The following COL4A2 variants were observed in gnomAD, a reference collection of about 807,000 sequenced individuals.
COL4A2 encodes the protein collagen type IV alpha 2 chain.
COL4A2 carries 99 observed loss-of-function variants against 200.2 expected under a neutral mutation model. The observed-to-expected ratio is 0.49, with a 90% confidence interval of 0.42 to 0.58. COL4A2 has a LOEUF of 0.58. Among genes scored for constraint, COL4A2 ranks in the 20% least tolerant of loss-of-function variants. The pLI is 0.00. For missense variants in COL4A2, 1,950 were observed against 2,314.1 expected, an observed-to-expected ratio of 0.84 and a Z score of 3.23; for synonymous variants, 897 against 900.6, an observed-to-expected ratio of 1.00 and a Z score of 0.07.
chr13:110,493,617 G>A (rs2893369), intron 39 of COL4A2, among the ~76,000 whole-genome samples: 83,421 of 151,988 alleles, frequency 0.55, 23,502 homozygotes, highest in South Asian at 0.66. Context: ...TGTCTGGAGT[G>A]TTCACTCTGC....
At position 110,472,789 on chromosome 13, in the gene COL4A2, G is replaced by A. The variant is rs12430146; in HGVS notation, c.2204-140G>A. ...GTTGTAGGTTCCAAAAAGGGCGACA[G>A]GGACAAGGGCTCGAGCTGAGGAATG... On this transcript the variant is annotated intron_variant, in intron 28 of 47. Coordinates refer to ENST00000360467, the MANE Select transcript of COL4A2 (RefSeq NM_001846.4). The A allele has an allele frequency of 1.5e-3, 1,043 of 694,518 alleles. 20 individuals carry two copies. In the Admixed American group the frequency reaches 0.027, roughly 18 times the overall value. 43.0% of individuals were successfully genotyped at this position (694,518 alleles called of 1,614,324 possible).
intron 24 of COL4A2, 148 bp downstream of exon 24, chr13:110,462,532 T>A: frequency 1.4e-6 from 1 of 695,252 alleles, no homozygotes; most frequent in East Asian, 2.8e-5. Context: ...CTATTTCTAA[T>A]GAGCAGAAAT....
chr13:110,466,244 A>T (rs1223237956), intron 26 of COL4A2, among the ~76,000 whole-genome samples, 182 bp downstream of exon 26: 1 of 152,230 alleles, frequency 6.6e-6, no homozygotes, highest in Non-Finnish European at 1.5e-5. Context: ...ACAACCTGGT[A>T]GAGACGGAGA....
chr13:110,356,856 T>A (rs1220642033), intron 3 of COL4A2, among the ~76,000 whole-genome samples: 1 of 151,024 alleles, frequency 6.6e-6, no homozygotes, highest in African/African-American at 2.4e-5. Context: ...AACCTCCACC[T>A]CCCGGTTCAA....
intron 4 of COL4A2, among the ~76,000 whole-genome samples, chr13:110,367,257 A>G (rs1270767074): frequency 6.6e-6 from 1 of 152,262 alleles, no homozygotes; most frequent in Non-Finnish European, 1.5e-5. Context: ...AAATAAAGAA[A>G]AAGAACAAAA....
intron 45 of COL4A2, among the ~76,000 whole-genome samples, chr13:110,505,287 T>C (rs187136324): frequency 3.9e-4 from 59 of 151,348 alleles, no homozygotes; most frequent in Admixed American, 8.5e-4. Context: ...GAGGTGGAGG[T>C]TGCAATGAGC....
At chr13:110,447,249 T>G (rs1881364813) in intron 18 of COL4A2, among the ~76,000 whole-genome samples, 1 of 152,216 alleles carries the variant, frequency 6.6e-6, no homozygotes, top group Non-Finnish European at 1.5e-5. Flanking sequence ...TTTCTCCAAA[T>G]GCACCAAGGT....
At chr13:110,353,227 G>C (rs929067000) in intron 3 of COL4A2, among the ~76,000 whole-genome samples, 1 of 152,194 alleles carries the variant, frequency 6.6e-6, no homozygotes, top group Non-Finnish European at 1.5e-5. Flanking sequence ...CAGGCCTCAC[G>C]GAGACTGAAG....
chr13:110,408,404 T>C (rs981767160), intron 4 of COL4A2, among the ~76,000 whole-genome samples: 3 of 152,348 alleles, frequency 2.0e-5, no homozygotes, highest in South Asian at 4.1e-4. Flanking sequence ...ATTTCCTCCA[T>C]GACCATGCTT....
intron 3 of COL4A2, among the ~76,000 whole-genome samples, chr13:110,343,532 C>G (rs1237918995): frequency 6.6e-6 from 1 of 152,210 alleles, no homozygotes. Flanking sequence ...TTCAGAAATT[C>G]TAACCCAGAA....
At chr13:110,339,698 G>T (rs920650803) in intron 3 of COL4A2, among the ~76,000 whole-genome samples, 7 of 152,172 alleles carry the variant, frequency 4.6e-5, no homozygotes, top group Admixed American at 4.6e-4. Flanking sequence ...CTTTGAACCT[G>T]GTATCCTCAG....
intron 3 of COL4A2, among the ~76,000 whole-genome samples, chr13:110,354,278 T>C (rs1001142183): frequency 3.3e-5 from 5 of 152,168 alleles, no homozygotes; most frequent in Non-Finnish European, 5.9e-5. Context: ...CGCCTGTTCA[T>C]GCCTCCCTCA....
intron 4 of COL4A2, 80 bp from the exon 5 acceptor site, chr13:110,424,651 ATGT>A: frequency 7.7e-6 from 7 of 911,724 alleles, no homozygotes; most frequent in Admixed American, 2.5e-5. Context: ...AAAAAAAAAA[ATGT>A]AGTTTTGAAA....
intron 22 of COL4A2, among the ~76,000 whole-genome samples, chr13:110,461,130 G>A (rs1373810731): frequency 1.3e-5 from 2 of 152,244 alleles, no homozygotes; most frequent in Non-Finnish European, 2.9e-5. Context: ...CGATTTGAGA[G>A]TCCCTGCAGG....
At chr13:110,379,529 T>C (rs189016205) in intron 4 of COL4A2, among the ~76,000 whole-genome samples, 1 of 152,292 alleles carries the variant, frequency 6.6e-6, no homozygotes, top group East Asian at 1.9e-4. Flanking sequence ...GCAGTGGGGC[T>C]CACAGACTTT....
intron 6 of COL4A2, among the ~76,000 whole-genome samples, chr13:110,427,244 T>C (rs1880502518): frequency 6.6e-6 from 1 of 152,108 alleles, no homozygotes; most frequent in Non-Finnish European, 1.5e-5. Context: ...CTGCCACCTG[T>C]GCTCAAGCAA....
At chr13:110,492,218 C>A in intron 38 of COL4A2, 41 bp downstream of exon 38, 1 of 1,527,930 alleles carries the variant, frequency 6.5e-7, no homozygotes, top group South Asian at 1.2e-5. Context: ...GACCCAGAGT[C>A]GTGGGCTGTG....
chr13:110,320,663 T>G (rs1885252099), intron 3 of COL4A2, among the ~76,000 whole-genome samples: 1 of 148,908 alleles, frequency 6.7e-6, no homozygotes. Context: ...TGCTTCTTTT[T>G]ATATCAAAAC....
chr13:110,400,527 TC>T (rs1879334516), intron 4 of COL4A2, among the ~76,000 whole-genome samples: 1 of 145,082 alleles, frequency 6.9e-6, no homozygotes, highest in Non-Finnish European at 1.6e-5. Flanking sequence ...TTCATTAACT[TC>T]TGATTCCTTG....
Sources: allele counts gnomAD v4.1 joint callset (sites outside exome capture counted in the v4.1 genomes callset), GRCh38; gene constraint gnomAD v4.1.1; transcripts MANE v1.5; gene names NCBI Gene and HGNC (gene_info 2026-07-23, HGNC 2026-07-21).